The following SGCZ variants were observed in gnomAD, a reference collection of about 807,000 sequenced individuals.
The protein encoded by SGCZ is zeta-sarcoglycan.
Under a neutral mutation model 41.3 loss-of-function variants are expected in SGCZ, and 40 were observed. That is an observed-to-expected ratio of 0.97 (90% CI 0.75 to 1.26). The LOEUF (loss-of-function observed/expected upper bound fraction) is 1.26, where lower values mean the gene tolerates loss of function less well. Among genes scored for constraint, SGCZ ranks in the 50% most tolerant of loss-of-function variants. The pLI is 0.00. For missense variants in SGCZ, 552 were observed against 369.8 expected (o/e 1.49, Z -4.04); for synonymous variants, 206 against 137.5 (o/e 1.50, Z -3.49).
chr8:14,369,116 A>T (rs1803820722), intron 2 of SGCZ, among the ~76,000 whole-genome samples: 1 of 151,866 alleles, frequency 6.6e-6, no homozygotes, highest in Non-Finnish European at 1.5e-5. Flanking sequence ...AAATTGGGAA[A>T]TTAACACCTA....
intron 2 of SGCZ, among the ~76,000 whole-genome samples, chr8:14,551,517 T>A (rs1246943854): frequency 7.3e-4 from 5 of 6,832 alleles, no homozygotes; most frequent in South Asian, 3.7e-3. Flanking sequence ...TTATATATAT[T>A]ATATATAATA....
chr8:14,134,222 A>G (rs571752109), intron 5 of SGCZ, among the ~76,000 whole-genome samples: 4 of 152,244 alleles, frequency 2.6e-5, no homozygotes, highest in African/African-American at 7.2e-5. Flanking sequence ...TAGATATTAG[A>G]TAATAGATAT....
chr8:14,388,962 A>C (rs1804667799), intron 2 of SGCZ, among the ~76,000 whole-genome samples: 1 of 152,110 alleles, frequency 6.6e-6, no homozygotes, highest in Admixed American at 6.6e-5. Flanking sequence ...TTGTACAATA[A>C]ATATCTTTTA....
At chr8:14,701,013 A>G (rs1809119704) in intron 1 of SGCZ, among the ~76,000 whole-genome samples, 1 of 152,002 alleles carries the variant, frequency 6.6e-6, no homozygotes, top group African/African-American at 2.4e-5. Context: ...AAATACTTAA[A>G]ATAAAATATT....
intron 1 of SGCZ, among the ~76,000 whole-genome samples, chr8:14,846,348 G>C (rs549055353): frequency 2.6e-5 from 4 of 151,798 alleles, no homozygotes; most frequent in East Asian, 3.9e-4. Context: ...AAAATCAATG[G>C]AATTGGACCA....
At chr8:14,589,015 T>A (rs1169081696) in intron 1 of SGCZ, among the ~76,000 whole-genome samples, 1 of 152,142 alleles carries the variant, frequency 6.6e-6, no homozygotes, top group Non-Finnish European at 1.5e-5. Flanking sequence ...ACCACTAAAA[T>A]ATGCATTCTT....
At chr8:15,077,809 A>T (rs2131038900) in intron 1 of SGCZ, among the ~76,000 whole-genome samples, 1 of 152,342 alleles carries the variant, frequency 6.6e-6, no homozygotes, top group East Asian at 1.9e-4. Context: ...CATGCATCTC[A>T]ATAGAGGTAC....
At chr8:14,174,430 T>C (rs1395839253) in intron 4 of SGCZ, among the ~76,000 whole-genome samples, 1 of 152,098 alleles carries the variant, frequency 6.6e-6, no homozygotes, top group Non-Finnish European at 1.5e-5. Context: ...TGATCATACA[T>C]GTACTTCTAA....
At chr8:14,204,061 G>C (rs1805540612) in intron 4 of SGCZ, among the ~76,000 whole-genome samples, 2 of 152,042 alleles carry the variant, frequency 1.3e-5, no homozygotes, top group African/African-American at 4.8e-5. Context: ...GAAATGCCAG[G>C]CATTTCCATA....
chr8:14,306,706 T>C (rs1232702024), intron 3 of SGCZ, among the ~76,000 whole-genome samples: 3 of 152,122 alleles, frequency 2.0e-5, no homozygotes, highest in Admixed American at 6.6e-5. Context: ...ATAAGTGTCA[T>C]TGTAAATTTG....
intron 1 of SGCZ, among the ~76,000 whole-genome samples, chr8:15,057,855 G>A (rs572660590): frequency 6.6e-6 from 1 of 152,158 alleles, no homozygotes; most frequent in Admixed American, 6.5e-5. Context: ...TTCTTATCAT[G>A]TAGTCAATGT....
In SGCZ at chr8:14,314,553, A is replaced by G. The variant is rs577146119; in HGVS notation, c.336+9550T>C. Among the ~76,000 whole-genome samples the G allele has an allele frequency of 2.0e-5, 3 of 152,222 alleles. No individual in the cohort carries two copies. In the South Asian group the frequency reaches 6.2e-4, roughly 32 times the overall value. ...CAAGACAATATCTTTCATGTCTAGC[A>G]TTAGGGATTAAGTAAAGTAATAAGA... On this transcript the variant is annotated intron_variant, in intron 3 of 7. Coordinates refer to ENST00000382080, the MANE Select transcript of SGCZ (RefSeq NM_139167.4).
In SGCZ at chr8:14,526,748, C is replaced by A. The variant is rs79309935; in HGVS notation, c.234+27984G>T. 2.9e-3 allele frequency among the ~76,000 whole-genome samples: 437 copies of A among 152,142 alleles called. 2 individuals carry two copies. The highest frequency in any genetic ancestry group is 9.9e-3 in the African/African-American group (410 of 41,514). On this transcript the variant is annotated intron_variant, in intron 2 of 7. Transcript: ENST00000382080. Reference sequence around the variant, plus strand: ...GCATATCACATCAACTCCTAGTGTGCGTACTTCATTCTTCTGCAGAGGTTT... The same window carrying A: ...GCATATCACATCAACTCCTAGTGTGAGTACTTCATTCTTCTGCAGAGGTTT...
intron 1 of SGCZ, among the ~76,000 whole-genome samples, chr8:14,749,426 G>A (rs1446773390): frequency 6.6e-6 from 1 of 152,150 alleles, no homozygotes; most frequent in Admixed American, 6.5e-5. Flanking sequence ...GGGGATGCGT[G>A]TACATGCTTG....
At chr8:14,490,505 T>C (rs994300852) in intron 2 of SGCZ, among the ~76,000 whole-genome samples, 1 of 152,224 alleles carries the variant, frequency 6.6e-6, no homozygotes, top group African/African-American at 2.4e-5. Flanking sequence ...AAATGAGGTC[T>C]GATTCTCATC....
At chr8:14,874,100 A>C (rs1477058639) in intron 1 of SGCZ, among the ~76,000 whole-genome samples, 1 of 152,162 alleles carries the variant, frequency 6.6e-6, no homozygotes, top group Non-Finnish European at 1.5e-5. Flanking sequence ...CCACAAACTT[A>C]TACTTTAATT....
intron 5 of SGCZ, among the ~76,000 whole-genome samples, chr8:14,144,864 T>A (rs1384810243): frequency 6.6e-6 from 1 of 151,644 alleles, no homozygotes; most frequent in African/African-American, 2.4e-5. Context: ...TGGCCTGGAG[T>A]GGTGGTGGCT....
intron 1 of SGCZ, among the ~76,000 whole-genome samples, chr8:15,226,234 T>C (rs1801768459): frequency 6.6e-6 from 1 of 152,140 alleles, no homozygotes; most frequent in South Asian, 2.1e-4. Flanking sequence ...CATACTGTCT[T>C]TGGGCCACCT....
chr8:14,855,979 A>T (rs1438181561), intron 1 of SGCZ, among the ~76,000 whole-genome samples: 2 of 152,232 alleles, frequency 1.3e-5, no homozygotes, highest in East Asian at 3.9e-4. Context: ...ACAATGCTAC[A>T]ATATAGTTAC....
Sources: allele counts gnomAD v4.1 joint callset (sites outside exome capture counted in the v4.1 genomes callset), GRCh38; gene constraint gnomAD v4.1.1; transcripts MANE v1.5; gene names NCBI Gene and HGNC (gene_info 2026-07-23, HGNC 2026-07-21).